MEAK7: variants seen among roughly 807,000 people sequenced by gnomAD.
The protein encoded by MEAK7 is MTOR-associated protein MEAK7.
Under a neutral mutation model 40.5 loss-of-function variants are expected in MEAK7, and 68 were observed. The observed-to-expected ratio is 1.68, with a 90% CI of 1.38 to 2.06. The LOEUF is 2.06. Among genes scored for constraint, MEAK7 ranks in the 30% most tolerant of loss-of-function variants. The pLI, the probability that MEAK7 is intolerant of heterozygous loss-of-function variation, is 0.00. For missense variants in MEAK7, 918 were observed against 580.5 expected (o/e 1.58, Z -5.98); for synonymous variants, 338 against 231.9 (o/e 1.46, Z -4.16).
intron 6 of MEAK7, 137 bp downstream of exon 6, chr16:84,482,453 CAG>C (rs1912646582): frequency 5.7e-6 from 8 of 1,413,320 alleles, no homozygotes; most frequent in Non-Finnish European, 7.7e-6. Flanking sequence ...GCCCTGGAAA[CAG>C]AAGGAACTGG....
intron 6 of MEAK7, among the ~76,000 whole-genome samples, chr16:84,481,152 G>A (rs2150622810): frequency 6.6e-6 from 1 of 152,354 alleles, no homozygotes; most frequent in South Asian, 2.1e-4. Flanking sequence ...CCCCAAGACA[G>A]GCTGGGAAAC....
chr16:84,488,824 T>G (rs949975912), intron 4 of MEAK7, among the ~76,000 whole-genome samples: 5 of 152,208 alleles, frequency 3.3e-5, no homozygotes, highest in Admixed American at 3.3e-4. Flanking sequence ...GTGTAAATGC[T>G]TATTTGAAAA....
chr16:84,481,320 G>C (rs979006557), intron 6 of MEAK7, among the ~76,000 whole-genome samples: 1 of 152,146 alleles, frequency 6.6e-6, no homozygotes, highest in Non-Finnish European at 1.5e-5. Flanking sequence ...TGTAACACCT[G>C]GCACGCCCTA....
intron 1 of MEAK7, among the ~76,000 whole-genome samples, chr16:84,498,435 AT>A (rs111992656): frequency 3.6e-3 from 520 of 144,204 alleles, no homozygotes; most frequent in Admixed American, 3.7e-3. Flanking sequence ...TGCCTGGCTA[AT>A]TTTTTTTTTT....
intron 4 of MEAK7, 49 bp downstream of exon 4, chr16:84,489,229 T>C: frequency 1.9e-6 from 3 of 1,596,390 alleles, no homozygotes; most frequent in East Asian, 2.2e-5. Context: ...AGACAGCAGG[T>C]ACCGCTCTAC....
intron 6 of MEAK7, 54 bp from the exon 7 acceptor site, chr16:84,480,762 G>T (rs1912469471): frequency 2.6e-6 from 4 of 1,534,786 alleles, no homozygotes; most frequent in South Asian, 1.3e-5. Context: ...AGGGTCTGTG[G>T]ACATCAAATA....
chr16:84,483,963 T>C (rs1269741141), intron 5 of MEAK7, among the ~76,000 whole-genome samples: 1 of 152,200 alleles, frequency 6.6e-6, no homozygotes, highest in African/African-American at 2.4e-5. Flanking sequence ...CTTGCTTCAC[T>C]GGGTTTCAGC....
intron 6 of MEAK7, 95 bp from the exon 7 acceptor site, chr16:84,480,803 G>GCC: frequency 7.2e-7 from 1 of 1,382,544 alleles, no homozygotes; most frequent in Non-Finnish European, 9.7e-7. Flanking sequence ...TTAAGTACCA[G>GCC]CCTGAGACAG....
rs1912367092 is a variant in MEAK7 at position 84,479,942 on chromosome 16, C to A, written c.1342G>T (p.Gly448Trp). Residue 448 changes from glycine to tryptophan, a missense_variant, in exon 8 of 8, where the codon GGG becomes TGG. Physicochemically the swap from Gly to Trp is radical, Grantham distance 184. Coordinates refer to ENST00000343629, the MANE Select transcript of MEAK7 (RefSeq NM_020947.4). Reference protein sequence around the residue: ...EISGHSRHSEGLREVPDDE With the variant: ...EISGHSRHSEWLREVPDDE The stretch of plus-strand genomic sequence containing the variant: ...TCATCGTCCGGGACTTCCCGGAGCC[C>A]TTCGCTGTGGCGCGAATGCCCACTG... 1 of 1,610,076 alleles carries A rather than the reference C, an allele frequency of 6.2e-7. No homozygotes were observed. Among genetic ancestry groups the A allele is most frequent in the Admixed American group, 1.7e-5 (1 of 59,882 alleles).
At chr16:84,482,491 G>A in intron 6 of MEAK7, 101 bp downstream of exon 6, 1 of 1,571,606 alleles carries the variant, frequency 6.4e-7, no homozygotes, top group South Asian at 1.2e-5. Flanking sequence ...GGAACTGAAT[G>A]CCACGCGCCC....
intron 2 of MEAK7, chr16:84,497,254 G>A: frequency 4.8e-6 from 2 of 420,404 alleles, no homozygotes; most frequent in Admixed American, 3.9e-5. Context: ...CCTTGTCAGT[G>A]TCTTGCCTCA....
intron 7 of MEAK7, 65 bp from the exon 8 acceptor site, chr16:84,480,091 C>A (rs1409439496): frequency 7.5e-7 from 1 of 1,325,788 alleles, no homozygotes; most frequent in East Asian, 2.6e-5. Context: ...CAGCTTCCTG[C>A]TAGTTTTCCA....
At chr16:84,491,359 G>A (rs141733142) in intron 3 of MEAK7, among the ~76,000 whole-genome samples, 21 of 152,124 alleles carry the variant, frequency 1.4e-4, no homozygotes, top group Middle Eastern at 3.4e-3. Flanking sequence ...CCAACATGAT[G>A]AGACCCCCGT....
At chr16:84,480,855 C>T in intron 6 of MEAK7, 147 bp from the exon 7 acceptor site, 1 of 890,188 alleles carries the variant, frequency 1.1e-6, no homozygotes, top group Non-Finnish European at 1.6e-6. Context: ...TTTTCCTTAA[C>T]TGTGAAATAT....
intron 2 of MEAK7, among the ~76,000 whole-genome samples, 197 bp from the exon 3 acceptor site, chr16:84,496,110 C>G (rs1914026304): frequency 6.6e-6 from 1 of 152,196 alleles, no homozygotes; most frequent in African/African-American, 2.4e-5. Context: ...CAAATGCCGG[C>G]CATTAGAAAC....
At chr16:84,480,815 G>C in intron 6 of MEAK7, 107 bp from the exon 7 acceptor site, 1 of 1,278,498 alleles carries the variant, frequency 7.8e-7, no homozygotes, top group South Asian at 1.6e-5. Flanking sequence ...CTGAGACAGG[G>C]GCGGGTGAGT....
chr16:84,480,800 C>A, intron 6 of MEAK7, 92 bp from the exon 7 acceptor site: 1 of 1,418,178 alleles, frequency 7.1e-7, no homozygotes, highest in South Asian at 1.5e-5. Context: ...GCCTTAAGTA[C>A]CAGCCTGAGA....
At chr16:84,504,501 G>T in intron 1 of MEAK7, 100 bp downstream of exon 1, 1 of 764,702 alleles carries the variant, frequency 1.3e-6, no homozygotes, top group Non-Finnish European at 1.6e-6. Context: ...GGGAGGGGCA[G>T]GGCCCAGGCC....
chr16:84,501,020 G>T (rs754857822), intron 1 of MEAK7, among the ~76,000 whole-genome samples: 1 of 149,818 alleles, frequency 6.7e-6, no homozygotes, highest in African/African-American at 2.5e-5. Flanking sequence ...GGTTGAACAC[G>T]GACAGCGGAA....
Sources: gnomAD v4.1 joint callset for allele counts (sites outside exome capture counted in the v4.1 genomes callset) on GRCh38, gnomAD v4.1.1 for gene constraint, MANE v1.5 for transcripts, NCBI Gene and HGNC (gene_info 2026-07-23, HGNC 2026-07-21) for gene names.